TTC39C: variants seen among roughly 807,000 people sequenced by gnomAD.
The protein encoded by TTC39C is tetratricopeptide repeat protein 39C.
In TTC39C, 33 loss-of-function variants were observed where a neutral mutation model predicts 76.3. That is an observed-to-expected ratio of 0.43 (90% CI 0.33 to 0.58). The LOEUF (loss-of-function observed/expected upper bound fraction) is 0.58, where lower values mean the gene tolerates loss of function less well. Ranked by LOEUF, TTC39C falls within the 20% of genes least tolerant of loss-of-function variation. The probability of loss-of-function intolerance (pLI) is 0.04; values close to 1 mark genes in which losing one functional copy is unlikely to be tolerated. For missense variants in TTC39C, 595 were observed against 701.4 expected, an observed-to-expected ratio of 0.85 and a Z score of 1.71; for synonymous variants, 254 against 260.6, an observed-to-expected ratio of 0.97 and a Z score of 0.24.
chr18:24,132,521 C>T lies in TTC39C; in HGVS notation c.1699C>T (p.His567Tyr), dbSNP rs1480725996. Residue 567 changes from histidine (H) to tyrosine (Y), a missense_variant, in exon 14 of 14, where the codon CAT becomes TAT. His to Tyr is a moderately conservative substitution (Grantham distance 83, BLOSUM62 2). Coordinates refer to ENST00000317571, the MANE Select transcript of TTC39C (RefSeq NM_001135993.2). ...TGGCTACGACTTTGAAAACAGATTG[C>T]ATGTCCGCATCCATGCTGCTCTGGC... Reference protein sequence around the residue: ...FSGYDFENRLHVRIHAALASL... With the variant: ...FSGYDFENRLYVRIHAALASL... 1.9e-6 allele frequency: 3 copies of T among 1,614,072 alleles called. No homozygotes were observed. Among genetic ancestry groups the T allele is most frequent in the Admixed American group, 1.7e-5 (1 of 59,998 alleles).
chr18:24,117,993 C>T lies in TTC39C; in HGVS notation c.1079-132C>T, dbSNP rs1271424910. 5.1e-6 allele frequency: 3 copies of T among 582,696 alleles called. No homozygotes were observed. In the Admixed American group the frequency reaches 1.2e-4, roughly 23 times the overall value. The allele number at this position is 582,696 out of a possible 1,614,324, so 36.1% of individuals were successfully genotyped here. A position where few individuals can be genotyped will look rare whatever the true frequency, so the allele number is the denominator to read the frequency against. On this transcript the variant is annotated intron_variant, in intron 7 of 13. Coordinates refer to ENST00000317571, the MANE Select transcript of TTC39C (RefSeq NM_001135993.2). ...GGGAAAAAATAATTTCTTAGGTTTT[C>T]AGGTTAAACTTTTTTACGCATTTCA...
At chr18:24,070,498 A>T (rs931636075) in intron 4 of TTC39C, among the ~76,000 whole-genome samples, 2 of 152,184 alleles carry the variant, frequency 1.3e-5, no homozygotes, top group East Asian at 3.8e-4. Flanking sequence ...GTGATTTTGT[A>T]CTTCCTTTTC....
At chr18:24,014,185 G>C (rs1387718091), upstream of TTC39C, among the ~76,000 whole-genome samples, 1 of 152,240 alleles carries the variant, frequency 6.6e-6, no homozygotes, top group Admixed American at 6.5e-5. Context: ...GCGGCCCCAG[G>C]GTCGGGATGA....
chr18:24,085,638 T>G (rs1226125832), intron 6 of TTC39C, among the ~76,000 whole-genome samples: 1 of 152,214 alleles, frequency 6.6e-6, no homozygotes, highest in African/African-American at 2.4e-5. Context: ...GTCCACATTA[T>G]AGCTCTTAGT....
In TTC39C at chr18:24,046,479, A is replaced by T. The variant is rs544077591; in HGVS notation, c.168-17661A>T. On this transcript the variant is annotated intron_variant, in intron 1 of 13. Transcript: ENST00000317571. Reference sequence around the variant, plus strand: ...TTGCTAATAGTCATAGATTTAGTCCAGGATCAACTTGAGATTTTAACTTGG... The same window carrying T: ...TTGCTAATAGTCATAGATTTAGTCCTGGATCAACTTGAGATTTTAACTTGG... 2.8e-4 allele frequency among the ~76,000 whole-genome samples: 43 copies of T among 152,006 alleles called. 2 individuals are homozygous for T. The South Asian group carries it at 8.9e-3, about 31-fold the overall frequency.
upstream of TTC39C, among the ~76,000 whole-genome samples, chr18:24,013,318 CAT>C (rs1358762159): frequency 2.6e-5 from 4 of 152,190 alleles, no homozygotes; most frequent in Admixed American, 6.5e-5. Context: ...AACAGTTACA[CAT>C]GACACTTAAG....
intron 10 of TTC39C, among the ~76,000 whole-genome samples, chr18:24,128,393 CTCTCTT>C (rs2085077050): frequency 6.7e-6 from 1 of 150,254 alleles, no homozygotes; most frequent in Non-Finnish European, 1.5e-5. Context: ...AACTTCAGTT[CTCTCTT>C]TCTATCTATA....
intron 8 of TTC39C, among the ~76,000 whole-genome samples, chr18:24,120,736 T>C (rs891592468): frequency 6.6e-6 from 1 of 152,182 alleles, no homozygotes; most frequent in African/African-American, 2.4e-5. Flanking sequence ...CGCTTCTACT[T>C]CCTGTCTCTA....
At chr18:24,040,600 T>G (rs2083780618) in intron 1 of TTC39C, among the ~76,000 whole-genome samples, 1 of 152,316 alleles carries the variant, frequency 6.6e-6, no homozygotes, top group Non-Finnish European at 1.5e-5. Context: ...ATAACAATTT[T>G]TATATAACAA....
chr18:24,039,411 T>TG (rs2083766798), intron 1 of TTC39C, among the ~76,000 whole-genome samples: 3 of 152,326 alleles, frequency 2.0e-5, no homozygotes, highest in South Asian at 4.2e-4. Flanking sequence ...TGGACACACA[T>TG]GATAGGTGGG....
intron 1 of TTC39C, among the ~76,000 whole-genome samples, chr18:24,059,259 AC>A (rs911363552): frequency 1.3e-5 from 2 of 152,202 alleles, no homozygotes; most frequent in African/African-American, 4.8e-5. Context: ...CAGTTTTGTT[AC>A]ATAGAAAAAC....
chr18:24,015,358 T>C (rs7236272), intron 1 of TTC39C: 144,625 of 224,634 alleles, frequency 0.64, 49,732 homozygotes, highest in Non-Finnish European at 0.76. Context: ...GGCTCCTCTC[T>C]GCAGGGCAGC....
At chr18:24,083,430 T>C (rs1380755836) in intron 6 of TTC39C, among the ~76,000 whole-genome samples, 2 of 152,236 alleles carry the variant, frequency 1.3e-5, no homozygotes, top group East Asian at 3.8e-4. Flanking sequence ...ATAATCTCTT[T>C]CTAAACTTTG....
upstream of TTC39C, among the ~76,000 whole-genome samples, chr18:24,012,144 G>A (rs896854028): frequency 4.0e-5 from 6 of 148,904 alleles, no homozygotes; most frequent in Non-Finnish European, 7.5e-5. Context: ...TAGTCCACGT[G>A]TTCTCTTCCT....
Position 24,044,596 on chromosome 18 carries a change from A to G in TTC39C, c.168-19544A>G, listed in dbSNP as rs562696795. Among the ~76,000 whole-genome samples, 39 of 152,312 alleles carry G rather than the reference A, an allele frequency of 2.6e-4. No homozygotes were observed. In the South Asian group the frequency reaches 7.9e-3, roughly 31 times the overall value. ...GACAGGAACAAGGAAAGGGAAGAACATAGAGCAGGAACACAGGAGAACAAA... is the reference window on the plus strand; with the variant it reads ...GACAGGAACAAGGAAAGGGAAGAACGTAGAGCAGGAACACAGGAGAACAAA... On this transcript the variant is annotated intron_variant, in intron 1 of 13. Transcript: ENST00000317571.
chr18:24,119,132 GT>G (rs1428476429), intron 8 of TTC39C, among the ~76,000 whole-genome samples: 1 of 151,832 alleles, frequency 6.6e-6, no homozygotes. Context: ...TGAATTAAGT[GT>G]TTTTTTGCCC....
At chr18:24,002,774 G>A (rs1054647898) in intron 1 of TTC39C, among the ~76,000 whole-genome samples, 1 of 152,054 alleles carries the variant, frequency 6.6e-6, no homozygotes, top group African/African-American at 2.4e-5. Flanking sequence ...ATCCAGCCCT[G>A]CAGATGCCTG....
chr18:24,093,606 A>G (rs2084554869), intron 6 of TTC39C, among the ~76,000 whole-genome samples: 2 of 152,226 alleles, frequency 1.3e-5, no homozygotes, highest in African/African-American at 4.8e-5. Flanking sequence ...ACAGGCATAC[A>G]TCAGAGACAT....
intron 6 of TTC39C, among the ~76,000 whole-genome samples, chr18:24,107,121 A>T (rs2084753763): frequency 6.6e-6 from 1 of 152,230 alleles, no homozygotes; most frequent in African/African-American, 2.4e-5. Flanking sequence ...GGCAGAGGAT[A>T]CCTGGTGCCT....
Sources: allele counts gnomAD v4.1 joint callset (sites outside exome capture counted in the v4.1 genomes callset), GRCh38; gene constraint gnomAD v4.1.1; transcripts MANE v1.5; gene names NCBI Gene and HGNC (gene_info 2026-07-23, HGNC 2026-07-21).